The following CEMIP2 variants were observed in gnomAD, a reference collection of about 807,000 sequenced individuals.
CEMIP2 encodes cell surface hyaluronidase CEMIP2.
In CEMIP2, 79 loss-of-function variants were observed where a neutral mutation model predicts 146.9. That is an observed-to-expected ratio of 0.54 (90% CI 0.45 to 0.65). The LOEUF is 0.65. Among genes scored for constraint, CEMIP2 ranks in the 30% least tolerant of loss-of-function variants. The pLI is 0.00. For synonymous variants in CEMIP2, 601 were observed against 606.3 expected, an observed-to-expected ratio of 0.99 and a Z score of 0.13; for missense variants, 1,596 against 1,696.2, an observed-to-expected ratio of 0.94 and a Z score of 1.04.
chr9:71,699,221 G>A (rs781491919), intron 19 of CEMIP2: 8 of 191,040 alleles, frequency 4.2e-5, no homozygotes, highest in Non-Finnish European at 9.1e-5. Flanking sequence ...TTTTATTCTT[G>A]TGGAAAATCA....
chr9:71,714,301 T>A (rs1036913172), intron 15 of CEMIP2, among the ~76,000 whole-genome samples: 3 of 152,246 alleles, frequency 2.0e-5, no homozygotes, highest in Non-Finnish European at 4.4e-5. Context: ...AACTGAGATA[T>A]GAATTATTAG....
intron 2 of CEMIP2, among the ~76,000 whole-genome samples, chr9:71,747,063 T>C (rs73483501): frequency 0.026 from 3,949 of 152,266 alleles, 169 homozygotes; most frequent in African/African-American, 0.09. Flanking sequence ...ACTTGCCTCT[T>C]GAATAGGTAT....
At chr9:71,706,132 G>A (rs1191839118) in intron 17 of CEMIP2, among the ~76,000 whole-genome samples, 3 of 151,770 alleles carry the variant, frequency 2.0e-5, no homozygotes, top group Admixed American at 6.6e-5. Context: ...GGGAGGCTGA[G>A]GCAGGAGAAT....
In CEMIP2 at chr9:71,729,912, G is replaced by A; in HGVS notation, c.1982C>T (p.Ala661Val). The stretch of plus-strand genomic sequence containing the variant: ...ATGAGCAATCCAGAAAGTTGAAACA[G>A]CCCTGCAAGGCATTTTTCAAGGTGA... ...YIPVPATDCMAVSTFWIAHPN... is the reference protein window; with the variant it reads ...YIPVPATDCMVVSTFWIAHPN... The change falls in exon 10 of 24, where the codon GCT becomes GTT. Residue 661 changes from alanine to valine, a missense_variant and splice_region_variant. Ala to Val is a moderately conservative substitution (Grantham distance 64, BLOSUM62 0). Coordinates refer to ENST00000377044, the MANE Select transcript of CEMIP2 (RefSeq NM_013390.3). The A allele has an allele frequency of 6.2e-7, 1 of 1,614,116 alleles. No individual in the cohort carries two copies. Among genetic ancestry groups the A allele is most frequent in the South Asian group, 1.1e-5 (1 of 91,076 alleles).
intron 22 of CEMIP2, among the ~76,000 whole-genome samples, chr9:71,689,111 CATGT>C (rs1306703703): frequency 4.6e-5 from 7 of 152,102 alleles, no homozygotes; most frequent in Non-Finnish European, 8.8e-5. Context: ...GAAGTGAGTG[CATGT>C]ATTTTCAACA....
intron 1 of CEMIP2, 147 bp downstream of exon 1, chr9:71,768,210 G>C (rs1157190021): frequency 6.6e-6 from 1 of 152,276 alleles, no homozygotes; most frequent in African/African-American, 2.4e-5. Flanking sequence ...TTTCCTTTTC[G>C]GCAGAAATGC....
At chr9:71,716,687 G>T in intron 13 of CEMIP2, 135 bp from the exon 14 acceptor site, 2 of 602,330 alleles carry the variant, frequency 3.3e-6, no homozygotes, top group Non-Finnish European at 5.3e-6. Flanking sequence ...ACAAAAATTT[G>T]ATTTCACAAT....
intron 12 of CEMIP2, among the ~76,000 whole-genome samples, chr9:71,719,817 G>A (rs1225005269): frequency 1.6e-5 from 2 of 122,766 alleles, no homozygotes; most frequent in Non-Finnish European, 3.2e-5. Context: ...GTTCCGGAAC[G>A]GAGACATACT....
intron 6 of CEMIP2, among the ~76,000 whole-genome samples, chr9:71,733,484 C>T (rs973542150): frequency 2.0e-5 from 3 of 151,998 alleles, no homozygotes; most frequent in African/African-American, 7.3e-5. Context: ...CCTGTATTAT[C>T]AAGAAGGAAA....
chr9:71,728,075 A>AT (rs1823442467), intron 10 of CEMIP2, among the ~76,000 whole-genome samples: 1 of 149,902 alleles, frequency 6.7e-6, no homozygotes, highest in African/African-American at 2.5e-5. Context: ...AAACAAAAAG[A>AT]TTCATTTAGC....
rs183534513 is a variant in CEMIP2 at position 71,741,926 on chromosome 9, A to G, written c.1035-1694T>C. 4.6e-5 allele frequency among the ~76,000 whole-genome samples: 7 copies of G among 152,248 alleles called. No individual in the cohort carries two copies. The East Asian group carries it at 9.7e-4, about 21-fold the overall frequency. ...CTCCTAAAGTGCTTGGATTACAGGCATGAGCCACCACACCCGGCCTAAAAA... is the reference window on the plus strand; with the variant it reads ...CTCCTAAAGTGCTTGGATTACAGGCGTGAGCCACCACACCCGGCCTAAAAA... On this transcript the variant is annotated intron_variant, in intron 4 of 23. Coordinates refer to ENST00000377044, the MANE Select transcript of CEMIP2 (RefSeq NM_013390.3).
Position 71,717,651 on chromosome 9 carries a change from C to T in CEMIP2, c.2399+297G>A, listed in dbSNP as rs182610119. Among the ~76,000 whole-genome samples the T allele has an allele frequency of 3.0e-3, 457 of 152,230 alleles. 7 individuals carry two copies. Among genetic ancestry groups the T allele is most frequent in the Non-Finnish European group, 1.3e-3 (87 of 68,012 alleles). On this transcript the variant is annotated intron_variant, in intron 13 of 23. Transcript: ENST00000377044. ...AAAAGATCCAGGTAGTTTTATTTAG[C>T]GCTCTGACATAGACCATGCTTGTTA...
intron 5 of CEMIP2, among the ~76,000 whole-genome samples, chr9:71,738,380 T>C (rs1823819348): frequency 6.6e-6 from 1 of 152,102 alleles, no homozygotes. Context: ...CCAGGCGTGG[T>C]GGCACGCACC....
At chr9:71,704,984 A>G (rs748202087) in intron 17 of CEMIP2, 181 bp from the exon 18 acceptor site, 18 of 598,904 alleles carry the variant, frequency 3.0e-5, no homozygotes, top group Non-Finnish European at 5.0e-5. Flanking sequence ...TACTTAAACT[A>G]GAAATGGTAA....
Position 71,750,220 on chromosome 9 carries a change from T to G in CEMIP2, c.154A>C (p.Ile52Leu). Reference protein sequence around the residue: ...KSQASAKFTSIRREDRATFAF... With the variant: ...KSQASAKFTSLRREDRATFAF... The stretch of plus-strand genomic sequence containing the variant: ...AAGGTTGCCCGGTCTTCTCGTCTGA[T>G]GGAGGTAAATTTGGCTGAAGCTTGA... Residue 52 changes from isoleucine (I) to leucine (L), a missense_variant, in exon 2 of 24, where the codon ATC becomes CTC. Ile to Leu is a conservative substitution (Grantham distance 5). Transcript: ENST00000377044. The G allele has an allele frequency of 6.2e-7, 1 of 1,614,146 alleles. No homozygotes were observed.
Position 71,734,869 on chromosome 9 carries a change from G to T in CEMIP2, c.1330C>A (p.Gln444Lys), listed in dbSNP as rs778580899. ...VVASTDYSMY[Q>K]AEEFTLLPCS... Reference sequence around the variant, plus strand: ...GGAAGAAGAGTGAACTCCTCTGCTTGGTACATGGAATAGTCTGTGCTTGCG... The same window carrying T: ...GGAAGAAGAGTGAACTCCTCTGCTTTGTACATGGAATAGTCTGTGCTTGCG... Residue 444 changes from glutamine to lysine, a missense_variant, in exon 6 of 24, where the codon CAA (glutamine) becomes AAA (lysine). Transcript: ENST00000377044. The T allele has an allele frequency of 6.2e-7, 1 of 1,613,930 alleles. No individual in the cohort carries two copies. Among genetic ancestry groups the T allele is most frequent in the Admixed American group, 1.7e-5 (1 of 60,002 alleles).
At chr9:71,701,581 A>T in intron 18 of CEMIP2, among the ~76,000 whole-genome samples, 1 of 152,080 alleles carries the variant, frequency 6.6e-6, no homozygotes, top group East Asian at 1.9e-4. Flanking sequence ...ATTCTAAATA[A>T]TTTTTTTGTT....
At position 71,730,167 on chromosome 9, in the gene CEMIP2, A is replaced by G. The variant is rs778883255; in HGVS notation, c.1860T>C (p.Asn620=). 2.5e-6 allele frequency: 4 copies of G among 1,614,170 alleles called. No individual in the cohort carries two copies. The highest frequency in any genetic ancestry group is 1.1e-5 in the South Asian group (1 of 91,078). The change falls in exon 9 of 24, where the codon AAT becomes AAC. Residue 620 remains asparagine, a synonymous_variant. Coordinates refer to ENST00000377044, the MANE Select transcript of CEMIP2 (RefSeq NM_013390.3). The part of the protein sequence containing the change: ...GIEQRNTLFH[N]LGLLTKPGTL... ...TACCCGGCTTGGTGAGGAGTCCCAG[A>G]TTGTGGAACAAAGTATTCCTCTGTT...
chr9:71,688,524 G>A (rs1822137429), intron 22 of CEMIP2, among the ~76,000 whole-genome samples: 1 of 151,822 alleles, frequency 6.6e-6, no homozygotes, highest in Admixed American at 6.6e-5. Context: ...GAGTAGCTGG[G>A]ATTATAGGTG....
Sources: gnomAD v4.1 joint callset for allele counts (sites outside exome capture counted in the v4.1 genomes callset) on GRCh38, gnomAD v4.1.1 for gene constraint, MANE v1.5 for transcripts, NCBI Gene and HGNC (gene_info 2026-07-23, HGNC 2026-07-21) for gene names.